HIP1: variants seen among roughly 807,000 people sequenced by gnomAD.
HIP1 encodes the protein huntingtin-interacting protein 1.
Under a neutral mutation model 147.6 loss-of-function variants are expected in HIP1, and 65 were observed. The ratio of observed to expected loss-of-function variants is 0.44; its 90% CI spans 0.36 to 0.54. HIP1 has a LOEUF of 0.54. HIP1 is among the 20% of genes least tolerant of loss of function. The pLI is 0.00. For missense variants in HIP1, 1,061 were observed against 1,299.6 expected (o/e 0.82, Z 2.82); for synonymous variants, 479 against 504.0 (o/e 0.95, Z 0.67).
At chr7:75,634,666 C>T (rs1472515201) in intron 1 of HIP1, among the ~76,000 whole-genome samples, 1 of 152,090 alleles carries the variant, frequency 6.6e-6, no homozygotes, top group East Asian at 1.9e-4. Flanking sequence ...TGGCTCATGC[C>T]TGTAATCTCA....
At chr7:75,547,310 C>T (rs1053967077) in intron 24 of HIP1, among the ~76,000 whole-genome samples, 6 of 152,202 alleles carry the variant, frequency 3.9e-5, no homozygotes, top group Admixed American at 6.6e-5. Context: ...CTCTGTCGCC[C>T]AGGCTAGAGT....
intron 1 of HIP1, among the ~76,000 whole-genome samples, chr7:75,667,983 A>C (rs62475510): frequency 0.085 from 12,972 of 152,260 alleles, 679 homozygotes; most frequent in South Asian, 0.12. Context: ...ATTATGATGA[A>C]TATCTCAAGC....
At position 75,536,910 on chromosome 7, in the gene HIP1, C is replaced by A. The variant is rs1265374153; in HGVS notation, c.*1262G>T. On this transcript the variant is annotated 3_prime_UTR_variant, in exon 31 of 31. Transcript: ENST00000336926. ...GGTTAGTAATAAATACTAAGGGTAG[C>A]AAACCAAGTATAGGGTTCTTCCCTG... 8.7e-6 allele frequency: 2 copies of A among 231,048 alleles called. No homozygotes were observed. Among genetic ancestry groups the A allele is most frequent in the Non-Finnish European group, 1.7e-5 (2 of 116,718 alleles). The allele number at this position is 231,048 out of a possible 1,614,324, so 14.3% of individuals were successfully genotyped here.
chr7:75,637,155 C>T (rs1554509787), intron 1 of HIP1, among the ~76,000 whole-genome samples: 1 of 152,208 alleles, frequency 6.6e-6, no homozygotes, highest in Non-Finnish European at 1.5e-5. Context: ...CCTTCACTTT[C>T]ATGCTAAGGG....
intron 28 of HIP1, 125 bp downstream of exon 28, chr7:75,542,722 AAAAT>A (rs1306681426): frequency 1.1e-6 from 1 of 949,456 alleles, no homozygotes; most frequent in Non-Finnish European, 1.5e-6. Context: ...AAGAAAAAAT[AAAAT>A]AAAAAGATGA....
rs546870019 is a variant in HIP1 at position 75,682,173 on chromosome 7, G to A, written c.120+56628C>T. Among the ~76,000 whole-genome samples the A allele has an allele frequency of 3.4e-5, 5 of 146,378 alleles. No homozygotes were observed. In the East Asian group the frequency reaches 1.0e-3, roughly 29 times the overall value. ...GGGGTTTCACCGTCTTGGCCAGGTT[G>A]GTCTTGAACTCTTGACCTCATGATC... On this transcript the variant is annotated intron_variant, in intron 1 of 30. Transcript: ENST00000336926.
chr7:75,602,797 G>A (rs1427253641), intron 1 of HIP1, among the ~76,000 whole-genome samples: 18 of 128,840 alleles, frequency 1.4e-4, no homozygotes, highest in Admixed American at 5.0e-4. Flanking sequence ...ATATAATCAC[G>A]CCCAACCCCC....
rs1584759779 is a variant in HIP1 at position 75,534,046 on chromosome 7, G to A, written c.*4126C>T. The A allele has an allele frequency of 4.3e-6, 1 of 231,910 alleles. No individual in the cohort carries two copies. Among genetic ancestry groups the A allele is most frequent in the East Asian group, 6.1e-5 (1 of 16,400 alleles). 14.4% of individuals were successfully genotyped at this position (231,910 alleles called of 1,614,324 possible). The stretch of plus-strand genomic sequence containing the variant: ...GATGCTGACCGGTTATTAAAGACCA[G>A]GGTCAAATGGAGCCAGGAGACCCCT... On this transcript the variant is annotated 3_prime_UTR_variant, in exon 31 of 31. Coordinates refer to ENST00000336926, the MANE Select transcript of HIP1 (RefSeq NM_005338.7).
intron 9 of HIP1, among the ~76,000 whole-genome samples, chr7:75,565,211 A>C (rs890164942): frequency 6.6e-6 from 1 of 152,164 alleles, no homozygotes; most frequent in African/African-American, 2.4e-5. Context: ...GCTTCCCCTG[A>C]ATTCAAGGAC....
At chr7:75,664,455 CAT>C (rs1307040946) in intron 1 of HIP1, among the ~76,000 whole-genome samples, 8 of 94,300 alleles carry the variant, frequency 8.5e-5, no homozygotes, top group South Asian at 6.7e-4. Context: ...TATACACATA[CAT>C]ATGTGTGTGT....
At chr7:75,662,962 G>A (rs114995319) in intron 1 of HIP1, among the ~76,000 whole-genome samples, 2,767 of 152,236 alleles carry the variant, frequency 0.018, 80 homozygotes, top group African/African-American at 0.063. Flanking sequence ...CCACACCGGC[G>A]ACCCATGCTG....
At chr7:75,644,884 G>A (rs990198948) in intron 1 of HIP1, among the ~76,000 whole-genome samples, 3 of 152,184 alleles carry the variant, frequency 2.0e-5, no homozygotes, top group Non-Finnish European at 2.9e-5. Flanking sequence ...CATTCTCACC[G>A]GGCTTGCCTT....
intron 1 of HIP1, among the ~76,000 whole-genome samples, chr7:75,697,473 GA>G (rs1263029019): frequency 2.0e-5 from 3 of 152,020 alleles, no homozygotes; most frequent in African/African-American, 7.2e-5. Flanking sequence ...ATATTCAGTA[GA>G]ACAAGTTTCT....
chr7:75,683,184 T>A (rs928331388), intron 1 of HIP1, among the ~76,000 whole-genome samples: 3 of 152,028 alleles, frequency 2.0e-5, no homozygotes, highest in Non-Finnish European at 4.4e-5. Context: ...GGTTTCACCA[T>A]GTTAGTCAGG....
intron 1 of HIP1, among the ~76,000 whole-genome samples, chr7:75,669,677 C>T (rs1799678476): frequency 6.6e-6 from 1 of 152,200 alleles, no homozygotes; most frequent in Non-Finnish European, 1.5e-5. Context: ...CATGGATTTA[C>T]CTATTCTGAA....
chr7:75,542,721 T>G, intron 28 of HIP1, 130 bp downstream of exon 28: 2 of 936,010 alleles, frequency 2.1e-6, no homozygotes, highest in African/African-American at 1.7e-5. Context: ...AAAGAAAAAA[T>G]AAAATAAAAA....
chr7:75,583,084 AG>A (rs1554498899), intron 5 of HIP1, among the ~76,000 whole-genome samples: 1 of 152,000 alleles, frequency 6.6e-6, no homozygotes, highest in African/African-American at 2.4e-5. Flanking sequence ...CTGCCCTTTC[AG>A]TCCTCTCCTG....
chr7:75,648,477 C>G (rs782286766), intron 1 of HIP1, among the ~76,000 whole-genome samples: 1 of 152,154 alleles, frequency 6.6e-6, no homozygotes, highest in Non-Finnish European at 1.5e-5. Context: ...TGTTTTTCCT[C>G]CTGACACTGC....
chr7:75,628,642 C>A (rs1798119945), intron 1 of HIP1, among the ~76,000 whole-genome samples: 1 of 152,156 alleles, frequency 6.6e-6, no homozygotes, highest in Non-Finnish European at 1.5e-5. Flanking sequence ...CCGCACCCGG[C>A]TAATTTTTGT....
Sources: gnomAD v4.1 joint callset for allele counts (sites outside exome capture counted in the v4.1 genomes callset) on GRCh38, gnomAD v4.1.1 for gene constraint, MANE v1.5 for transcripts, NCBI Gene and HGNC (gene_info 2026-07-23, HGNC 2026-07-21) for gene names.